The following TMC2 variants were observed in gnomAD, a reference collection of about 807,000 sequenced individuals.
The protein encoded by TMC2 is transmembrane channel-like protein 2.
Under a neutral mutation model 105.9 loss-of-function variants are expected in TMC2, and 102 were observed. The observed-to-expected ratio is 0.96, with a 90% CI of 0.82 to 1.14. The LOEUF is 1.14. Ranked by LOEUF, TMC2 falls within the 50% of genes most tolerant of loss-of-function variation. The pLI, the probability that TMC2 is intolerant of heterozygous loss-of-function variation, is 0.00. For synonymous variants in TMC2, 402 were observed against 422.8 expected, an observed-to-expected ratio of 0.95 and a Z score of 0.60; for missense variants, 1,093 against 1,134.3, an observed-to-expected ratio of 0.96 and a Z score of 0.52.
chr20:2,575,677 C>G (rs1460531601), intron 5 of TMC2, among the ~76,000 whole-genome samples: 4 of 152,130 alleles, frequency 2.6e-5, no homozygotes, highest in Admixed American at 1.3e-4. Context: ...TCACATAGTT[C>G]TAGCTTCCCC....
intron 2 of TMC2, among the ~76,000 whole-genome samples, chr20:2,543,669 A>G (rs1053730855): frequency 2.0e-5 from 3 of 152,200 alleles, no homozygotes; most frequent in African/African-American, 7.2e-5. Flanking sequence ...TCATCTTAAT[A>G]CAGACACTAA....
In TMC2 at chr20:2,616,034, ATGGCC is replaced by A. The variant is rs1296389353; in HGVS notation, c.1873-101_1873-97del. The A allele has an allele frequency of 5.4e-5, 44 of 807,716 alleles. No individual in the cohort carries two copies. The Admixed American group carries it at 5.5e-4, about 10-fold the overall frequency. 50.0% of individuals were successfully genotyped at this position (807,716 alleles called of 1,614,324 possible). A position where few individuals can be genotyped will look rare whatever the true frequency, so the allele number is the denominator to read the frequency against. On this transcript the variant is annotated intron_variant, in intron 14 of 19. Coordinates refer to ENST00000358864, the MANE Select transcript of TMC2 (RefSeq NM_080751.3). The surrounding 1 kb of genome is among the most constrained non-coding windows in gnomAD (Gnocchi z 4.8). The stretch of plus-strand genomic sequence containing the variant: ...ACCAGAGCAGGCTCTTTGGGATGGA[ATGGCC>A]TTGGCTTGGCCAGTTGGTTGGTAGT...
chr20:2,574,836 C>A (rs2086131946), intron 5 of TMC2, among the ~76,000 whole-genome samples: 1 of 152,072 alleles, frequency 6.6e-6, no homozygotes. Flanking sequence ...AGCAATTCTC[C>A]TGCCTCAGCC....
Position 2,610,440 on chromosome 20 carries a change from C to T in TMC2, c.1435C>T (p.Leu479Phe), listed in dbSNP as rs2086427529. 6.2e-7 allele frequency: 1 copy of T among 1,612,234 alleles called. No homozygotes were observed. Among genetic ancestry groups the T allele is most frequent in the Non-Finnish European group, 8.5e-7 (1 of 1,178,994 alleles). ...RNEVEIVMSL[L>F]GMFCPPLFET... ...TCAGGTAGAGATCGTGATGTCCCTG[C>T]TTGGAATGTTTTGTCCCCCTCTGTT... Residue 479 changes from leucine to phenylalanine, a missense_variant, in exon 12 of 20, where the codon CTT becomes TTT. By Grantham distance (22) the Leu-to-Phe change is conservative. Transcript: ENST00000358864.
chr20:2,631,115 T>C (rs541274809), intron 17 of TMC2, among the ~76,000 whole-genome samples: 2 of 124,896 alleles, frequency 1.6e-5, no homozygotes, highest in Non-Finnish European at 3.4e-5. Flanking sequence ...TCTCAGTGAT[T>C]GCCCTGGAGA....
At chr20:2,577,628 G>A (rs942341539) in intron 5 of TMC2, among the ~76,000 whole-genome samples, 4 of 147,704 alleles carry the variant, frequency 2.7e-5, no homozygotes, top group South Asian at 2.1e-4. Context: ...AATTTTTCCC[G>A]TTTTGATGGA....
Position 2,588,070 on chromosome 20 carries a change from T to G in TMC2, c.835-4240T>G, listed in dbSNP as rs555695462. On this transcript the variant is annotated intron_variant, in intron 7 of 19. Coordinates refer to ENST00000358864, the MANE Select transcript of TMC2 (RefSeq NM_080751.3). ...GAATGAGGTATCACTCCAAGGTTAT[T>G]TGAGTGAGCCTAATTTAATCACATG... Among the ~76,000 whole-genome samples, 271 of 151,368 alleles carry G rather than the reference T, an allele frequency of 1.8e-3. 3 individuals are homozygous for G. Among genetic ancestry groups the G allele is most frequent in the African/African-American group, 6.4e-3 (264 of 41,174 alleles).
chr20:2,609,365 G>A (rs922093763), intron 11 of TMC2, among the ~76,000 whole-genome samples: 16 of 152,102 alleles, frequency 1.1e-4, no homozygotes, highest in Admixed American at 3.3e-4. Context: ...GAGAACTGAG[G>A]AATAGAGTAA....
chr20:2,580,072 C>T lies in TMC2; in HGVS notation c.834+16C>T, dbSNP rs376946035. On this transcript the variant is annotated intron_variant, in intron 7 of 19. Coordinates refer to ENST00000358864, the MANE Select transcript of TMC2 (RefSeq NM_080751.3). ...AATCCCAGAGGTAAGAAAAGAACTT[C>T]CTAAATCTTTGGATAGAGTTAAGGC... is the stretch of plus-strand genomic sequence containing the variant. 6 of 1,538,058 alleles carry T rather than the reference C, an allele frequency of 3.9e-6. No homozygotes were observed. The highest frequency in any genetic ancestry group is 5.4e-6 in the Non-Finnish European group (6 of 1,111,692).
At chr20:2,632,603 GT>G (rs1403208793) in intron 17 of TMC2, among the ~76,000 whole-genome samples, 1 of 151,126 alleles carries the variant, frequency 6.6e-6, no homozygotes, top group East Asian at 1.9e-4. Flanking sequence ...TTTTGTTTTT[GT>G]TTTTTTACAG....
chr20:2,605,355 C>T (rs553882356), intron 11 of TMC2, among the ~76,000 whole-genome samples: 4 of 152,256 alleles, frequency 2.6e-5, no homozygotes, highest in Admixed American at 6.5e-5. Context: ...ATTTGCTCAC[C>T]GTTCTGGAGG....
At chr20:2,577,294 G>T (rs1321667828) in intron 5 of TMC2, among the ~76,000 whole-genome samples, 1 of 152,082 alleles carries the variant, frequency 6.6e-6, no homozygotes, top group Non-Finnish European at 1.5e-5. Flanking sequence ...ACCCACCTCA[G>T]CCTCCCAAAA....
intron 12 of TMC2, among the ~76,000 whole-genome samples, chr20:2,611,843 T>C (rs1335664019): frequency 9.3e-6 from 1 of 107,510 alleles, no homozygotes; most frequent in African/African-American, 4.6e-5. Context: ...GATGGATGGA[T>C]GGATGGATGG....
chr20:2,558,728 G>A lies in TMC2; in HGVS notation c.355G>A (p.Glu119Lys), dbSNP rs1052927404. The A allele has an allele frequency of 6.3e-7, 1 of 1,588,154 alleles. No homozygotes were observed. The highest frequency in any genetic ancestry group is 1.8e-5 in the Admixed American group (1 of 55,336). ...ERTAAPKREK[E>K]IPRREEKSKR... ...GACAGCAGCCCCAAAGAGGGAAAAG[G>A]AGATTCCGAGGAGGGAGGAGAAGTC... is the stretch of plus-strand genomic sequence containing the variant. The change falls in exon 3 of 20, where the codon GAG becomes AAG. Residue 119 changes from glutamate to lysine, a missense_variant. Glu to Lys is a moderately conservative substitution (Grantham distance 56, BLOSUM62 1). Transcript: ENST00000358864. This position sits in a 1 kb window ranked among gnomAD's most constrained non-coding sequence, Gnocchi z 4.6.
At chr20:2,630,965 T>A (rs1483780007) in intron 17 of TMC2, among the ~76,000 whole-genome samples, 1 of 152,242 alleles carries the variant, frequency 6.6e-6, no homozygotes, top group Non-Finnish European at 1.5e-5. Flanking sequence ...AAGTTAACAT[T>A]TATGTCTGCT....
intron 16 of TMC2, among the ~76,000 whole-genome samples, chr20:2,619,387 A>G (rs1487876051): frequency 1.3e-5 from 2 of 152,162 alleles, no homozygotes; most frequent in African/African-American, 4.8e-5. Flanking sequence ...AACTTTATGT[A>G]GGAATAAGAG....
At position 2,616,203 on chromosome 20, in the gene TMC2, T is replaced by C. The variant is rs1568526108; in HGVS notation, c.1939T>C (p.Trp647Arg). 2 of 1,612,124 alleles carry C rather than the reference T, an allele frequency of 1.2e-6. No individual in the cohort carries two copies. The highest frequency in any genetic ancestry group is 1.7e-4 in the Middle Eastern group (1 of 6,058). Residue 647 changes from tryptophan (W) to arginine (R), a missense_variant and splice_region_variant, in exon 15 of 20, where the codon TGG (tryptophan) becomes CGG (arginine). Trp to Arg is a moderately radical substitution (Grantham distance 101). Transcript: ENST00000358864. This position sits in a 1 kb window ranked among gnomAD's most constrained non-coding sequence, Gnocchi z 4.8. Reference sequence around the variant, plus strand: ...TTTGATCTTCAACCAAGGAATGATCTGGTGAGTTATCCATTTCATCTGGTG... The same window carrying C: ...TTTGATCTTCAACCAAGGAATGATCCGGTGAGTTATCCATTTCATCTGGTG... The part of the protein sequence containing the change: ...LGLIFNQGMI[W>R]MGSFYAPGLV...
At chr20:2,637,135 T>TC (rs1430177692) in intron 18 of TMC2, among the ~76,000 whole-genome samples, 1 of 150,908 alleles carries the variant, frequency 6.6e-6, no homozygotes, top group African/African-American at 2.4e-5. Flanking sequence ...ACGCCTGTAA[T>TC]CCCAGCACTT....
chr20:2,641,249 AT>A lies in TMC2; in HGVS notation c.2620del (p.Ser874LeufsTer36). 1.2e-6 allele frequency: 2 copies of A among 1,614,046 alleles called. No homozygotes were observed. The highest frequency in any genetic ancestry group is 1.7e-6 in the Non-Finnish European group (2 of 1,180,000). Reference protein sequence around the residue: ...TLPASGHLPISRPPGIGPDSG... With the variant: ...TLPASGHLPIXRPPGIGPDSG... ...TGCCTGCCTCTGGACACCTTCCTAT[AT>A]CTCGGCCCCCTGGAATCGGACCAGA... On this transcript the variant is annotated frameshift_variant, in exon 20 of 20. Coordinates refer to ENST00000358864, the MANE Select transcript of TMC2 (RefSeq NM_080751.3). LOFTEE classifies it low-confidence loss of function (END_TRUNC).
Sources: allele counts gnomAD v4.1 joint callset (sites outside exome capture counted in the v4.1 genomes callset), GRCh38; gene constraint gnomAD v4.1.1; non-coding constraint Gnocchi (gnomAD v3.1); transcripts MANE v1.5; gene names NCBI Gene and HGNC (gene_info 2026-07-23, HGNC 2026-07-21).